Variants in EML4 observed in about 807,000 individuals in gnomAD.
EML4 encodes EMAP like 4.
In EML4, 72 loss-of-function variants were observed where a neutral mutation model predicts 129.0. The observed-to-expected ratio is 0.56, with a 90% CI of 0.46 to 0.68. The LOEUF is 0.68. Among genes scored for constraint, EML4 ranks in the 30% least tolerant of loss-of-function variants. The probability of loss-of-function intolerance (pLI) is 0.00; values close to 1 mark genes in which losing one functional copy is unlikely to be tolerated. For missense variants in EML4, 1,363 were observed against 1,190.6 expected, an observed-to-expected ratio of 1.14 and a Z score of -2.13; for synonymous variants, 532 against 405.0, an observed-to-expected ratio of 1.31 and a Z score of -3.77.
Position 42,219,987 on chromosome 2 carries a change from T to A in EML4, c.26-25518T>A, listed in dbSNP as rs137924861. Among the ~76,000 whole-genome samples, 1,161 of 151,650 alleles carry A rather than the reference T, an allele frequency of 7.7e-3. 15 individuals are homozygous for A. The highest frequency in any genetic ancestry group is 0.027 in the African/African-American group (1,099 of 41,346). On this transcript the variant is annotated intron_variant, in intron 1 of 22. Coordinates refer to ENST00000318522, the MANE Select transcript of EML4 (RefSeq NM_019063.5). ...AATAGCTGCTTTGAAAATTTCTGTA[T>A]AGGAAGGGCTTAAGGGGTGGCAGTT...
chr2:42,219,952 T>A (rs1673463562), intron 1 of EML4, among the ~76,000 whole-genome samples: 1 of 151,634 alleles, frequency 6.6e-6, no homozygotes, highest in South Asian at 2.1e-4. Context: ...GAAAACTCTT[T>A]TTTGCCAGGA....
chr2:42,245,590 A>G lies in EML4; in HGVS notation c.111A>G (p.Glu37=). ...LESRVQQQED[E]ITVLKAALAD... ...CACGAGTTCAGCAACAAGAAGATGA[A>G]ATCACTGTGCTAAAGGCGGCTTTGG... Residue 37 remains glutamate (E), a synonymous_variant, in exon 2 of 23, where the codon GAA becomes GAG. Coordinates refer to ENST00000318522, the MANE Select transcript of EML4 (RefSeq NM_019063.5). 6.2e-7 allele frequency: 1 copy of G among 1,613,926 alleles called. No individual in the cohort carries two copies. Among genetic ancestry groups the G allele is most frequent in the South Asian group, 1.1e-5 (1 of 91,074 alleles).
chr2:42,253,054 C>T (rs910774281), intron 2 of EML4, among the ~76,000 whole-genome samples: 2 of 152,018 alleles, frequency 1.3e-5, no homozygotes, highest in Admixed American at 6.6e-5. Flanking sequence ...ATGATGAATA[C>T]GTTACAGTTT....
intron 1 of EML4, among the ~76,000 whole-genome samples, chr2:42,206,101 G>T (rs989513544): frequency 2.6e-5 from 4 of 152,162 alleles, no homozygotes; most frequent in Non-Finnish European, 5.9e-5. Flanking sequence ...GTAAACGTTT[G>T]TACGACATTT....
rs534515872 is a variant in EML4 at position 42,282,731 on chromosome 2, T to C, written c.792-92T>C. 9.7e-6 allele frequency: 11 copies of C among 1,136,408 alleles called. No homozygotes were observed. The South Asian group carries it at 1.2e-4, about 12-fold the overall frequency. 70.4% of individuals were successfully genotyped at this position (1,136,408 alleles called of 1,614,324 possible). On this transcript the variant is annotated intron_variant, in intron 7 of 22. Coordinates refer to ENST00000318522, the MANE Select transcript of EML4 (RefSeq NM_019063.5). ...CTAGTTCTAGTTCAGTCTTCTTCAT[T>C]GTACCTTCCTAATTCCTTAAGTATC...
At chr2:42,283,046 A>T in intron 8 of EML4, 74 bp downstream of exon 8, 1 of 1,286,562 alleles carries the variant, frequency 7.8e-7, no homozygotes. Context: ...TTTGGGTTTT[A>T]TTGAAAGTGA....
chr2:42,221,253 T>C (rs1673574076), intron 1 of EML4, among the ~76,000 whole-genome samples: 1 of 152,056 alleles, frequency 6.6e-6, no homozygotes, highest in African/African-American at 2.4e-5. Context: ...TGAGGGGGTA[T>C]TGTAGCTGAT....
rs1254326341 is a variant in EML4 at position 42,325,513 on chromosome 2, A to C, written c.2201A>C (p.Lys734Thr). The C allele has an allele frequency of 6.3e-7, 1 of 1,578,492 alleles. No homozygotes were observed. The highest frequency in any genetic ancestry group is 8.7e-7 in the Non-Finnish European group (1 of 1,154,654). The change falls in exon 20 of 23, where the codon AAG (lysine) becomes ACG (threonine). Residue 734 changes from lysine (K) to threonine (T), a missense_variant. Physicochemically the swap from Lys to Thr is moderately conservative, Grantham distance 78 (BLOSUM62 -1). Coordinates refer to ENST00000318522, the MANE Select transcript of EML4 (RefSeq NM_019063.5). ...CACCTTGACTGGTCCCCAGACAACA[A>C]GTATATAATGTCTAACTCGGGAGAC... Reference protein sequence around the residue: ...ITHLDWSPDNKYIMSNSGDYE... With the variant: ...ITHLDWSPDNTYIMSNSGDYE...
chr2:42,284,393 A>G (rs904444796), intron 8 of EML4, among the ~76,000 whole-genome samples: 4 of 152,240 alleles, frequency 2.6e-5, no homozygotes, highest in African/African-American at 9.6e-5. Context: ...AGCATGCCAC[A>G]GTTATAAATA....
intron 1 of EML4, among the ~76,000 whole-genome samples, chr2:42,219,657 C>T (rs1265567976): frequency 6.6e-6 from 1 of 152,054 alleles, no homozygotes; most frequent in Non-Finnish European, 1.5e-5. Flanking sequence ...GTGGCTCACG[C>T]CTGTAATCCC....
chr2:42,325,578 T>TATAC, intron 20 of EML4, 24 bp downstream of exon 20: 1 of 469,656 alleles, frequency 2.1e-6, no homozygotes, highest in Non-Finnish European at 3.6e-6. Flanking sequence ...ATTTTATATA[T>TATAC]ATATATATAT....
rs1015094242 is a variant in EML4 at position 42,233,538 on chromosome 2, A to C, written c.26-11967A>C. ...TAGCCAGGGTGGTCTCAATCTCCTG[A>C]CCTCATGATCCGCCTGCCTCAGCCT... On this transcript the variant is annotated intron_variant, in intron 1 of 22. Transcript: ENST00000318522. Among the ~76,000 whole-genome samples the C allele has an allele frequency of 1.2e-4, 18 of 151,262 alleles. No homozygotes were observed. In the East Asian group the frequency reaches 2.7e-3, roughly 23 times the overall value.
intron 6 of EML4, chr2:42,265,085 C>A (rs1665980266): frequency 1.2e-6 from 1 of 854,142 alleles, no homozygotes; most frequent in Non-Finnish European, 1.8e-6. Context: ...TAGATGAATC[C>A]AGCTACATTT....
In EML4 at chr2:42,219,546, C is replaced by T. The variant is rs181783723; in HGVS notation, c.26-25959C>T. Among the ~76,000 whole-genome samples the T allele has an allele frequency of 3.4e-4, 51 of 152,218 alleles. No homozygotes were observed. In the East Asian group the frequency reaches 8.7e-3, roughly 26 times the overall value. ...TCATAGATTAGAAAATGACATTTTG[C>T]ATTTAACAAAATTTTAAAAAATCAA... On this transcript the variant is annotated intron_variant, in intron 1 of 22. Coordinates refer to ENST00000318522, the MANE Select transcript of EML4 (RefSeq NM_019063.5).
chr2:42,305,551 T>A (rs1011531600), intron 17 of EML4, among the ~76,000 whole-genome samples: 3 of 152,230 alleles, frequency 2.0e-5, no homozygotes, highest in African/African-American at 4.8e-5. Context: ...TACGCAGATA[T>A]ATAATAAAGA....
At chr2:42,293,910 A>C (rs755255656) in intron 11 of EML4, among the ~76,000 whole-genome samples, 1 of 152,122 alleles carries the variant, frequency 6.6e-6, no homozygotes, top group Non-Finnish European at 1.5e-5. Flanking sequence ...CGCCCGGCCC[A>C]TGTTGTTTTG....
intron 3 of EML4, among the ~76,000 whole-genome samples, chr2:42,258,641 C>T (rs952191762): frequency 1.2e-4 from 19 of 152,088 alleles, no homozygotes; most frequent in Non-Finnish European, 2.8e-4. Context: ...CTCAGGTCAT[C>T]CGCCCGCCTT....
intron 1 of EML4, among the ~76,000 whole-genome samples, chr2:42,185,332 C>A (rs1219756156): frequency 6.6e-6 from 1 of 152,174 alleles, no homozygotes; most frequent in African/African-American, 2.4e-5. Flanking sequence ...TGTATTGGAA[C>A]ACAGCCGTAC....
chr2:42,272,473 T>A (rs907559801), intron 6 of EML4, among the ~76,000 whole-genome samples: 7 of 152,092 alleles, frequency 4.6e-5, no homozygotes, highest in Non-Finnish European at 8.8e-5. Context: ...TTTATTTGAT[T>A]CAGGGGTTTT....
Sources: gnomAD v4.1 joint callset for allele counts (sites outside exome capture counted in the v4.1 genomes callset) on GRCh38, gnomAD v4.1.1 for gene constraint, MANE v1.5 for transcripts, NCBI Gene and HGNC (gene_info 2026-07-23, HGNC 2026-07-21) for gene names.